The following JAKMIP1 variants were observed in gnomAD, a reference collection of about 807,000 sequenced individuals.
The protein encoded by JAKMIP1 is janus kinase and microtubule interacting protein 1, also known as janus kinase and microtubule-interacting protein 1.
JAKMIP1 carries 33 observed loss-of-function variants against 113.0 expected under a neutral mutation model. The observed-to-expected ratio is 0.29, with a 90% CI of 0.22 to 0.39. JAKMIP1 has a LOEUF of 0.39. JAKMIP1 is among the 10% of genes least tolerant of loss of function. The probability of loss-of-function intolerance (pLI) is 1.00; values close to 1 mark genes in which losing one functional copy is unlikely to be tolerated. For missense variants in JAKMIP1, 813 were observed against 1,080.5 expected (o/e 0.75, Z 3.47); for synonymous variants, 480 against 459.9 (o/e 1.04, Z -0.56).
intron 1 of JAKMIP1, among the ~76,000 whole-genome samples, chr4:6,170,236 C>A (rs1212285018): frequency 6.7e-6 from 1 of 150,322 alleles, no homozygotes; most frequent in South Asian, 2.1e-4. Context: ...TCTCCACCAT[C>A]ACCACCACTC....
rs1319383083 is a variant in JAKMIP1, at chr4:6,154,591, C to T, written c.-147-41594G>A. ...TACCGAAAAGGCAGACACCAAGAAA[C>T]TTAGCAAGGCTTCCAAGAGCCCAAC... On this transcript the variant is annotated intron_variant, in intron 1 of 20. Coordinates refer to ENST00000409021, the MANE Select transcript of JAKMIP1 (RefSeq NM_001099433.2). This position sits in a 1 kb window ranked among gnomAD's most constrained non-coding sequence, Gnocchi z 4.2. Among the ~76,000 whole-genome samples, 2 of 152,008 alleles carry T rather than the reference C, an allele frequency of 1.3e-5. No individual in the cohort carries two copies. Among genetic ancestry groups the T allele is most frequent in the Non-Finnish European group, 2.9e-5 (2 of 68,016 alleles).
chr4:6,041,459 C>T (rs1714304927), intron 17 of JAKMIP1, among the ~76,000 whole-genome samples: 2 of 152,132 alleles, frequency 1.3e-5, no homozygotes, highest in South Asian at 4.1e-4. Flanking sequence ...CCTTCTCCTC[C>T]CATTTCCATT....
rs528220991 is a variant in JAKMIP1, at chr4:6,030,032, CT to C, written c.2380-252del. On this transcript the variant is annotated intron_variant, in intron 19 of 20. Transcript: ENST00000409021. ...CTGCAAAGGAATTCTGTTCTGACTT[CT>C]ATCACTAATAATGGATCGTGCCTGT... Among the ~76,000 whole-genome samples, 99 of 152,262 alleles carry C rather than the reference CT, an allele frequency of 6.5e-4. 4 individuals carry two copies. The South Asian group carries it at 0.014, about 21-fold the overall frequency.
At chr4:6,189,984 G>C (rs745501977) in intron 1 of JAKMIP1, among the ~76,000 whole-genome samples, 1 of 152,186 alleles carries the variant, frequency 6.6e-6, no homozygotes, top group African/African-American at 2.4e-5. Flanking sequence ...TCAGAGGAGA[G>C]AAGAAAGCCC....
At chr4:6,055,197 C>T (rs1716210768) in intron 12 of JAKMIP1, among the ~76,000 whole-genome samples, 1 of 152,008 alleles carries the variant, frequency 6.6e-6, no homozygotes, top group East Asian at 1.9e-4. Flanking sequence ...GCTGCACTTA[C>T]TTGCAACATC....
chr4:6,181,359 C>A lies in JAKMIP1; in HGVS notation c.-148+18894G>T, dbSNP rs1725998045. ...TAACACTAATTACAGGCCTGGAGTA[C>A]ATAAACCAAGATGAGCTTACTGCCA... On this transcript the variant is annotated intron_variant, in intron 1 of 20. Coordinates refer to ENST00000409021, the MANE Select transcript of JAKMIP1 (RefSeq NM_001099433.2). This position sits in a 1 kb window ranked among gnomAD's most constrained non-coding sequence, Gnocchi z 5.4. Among the ~76,000 whole-genome samples, 1 of 152,146 alleles carries A rather than the reference C, an allele frequency of 6.6e-6. No homozygotes were observed. The highest frequency in any genetic ancestry group is 1.5e-5 in the Non-Finnish European group (1 of 68,030).
intron 19 of JAKMIP1, among the ~76,000 whole-genome samples, chr4:6,034,510 T>C (rs963863702): frequency 7.2e-5 from 11 of 152,178 alleles, no homozygotes; most frequent in African/African-American, 2.7e-4. Flanking sequence ...TGGTCAAATA[T>C]TCTAGATGTT....
intron 1 of JAKMIP1, among the ~76,000 whole-genome samples, chr4:6,171,372 TACC>T (rs1458828735): frequency 6.6e-5 from 9 of 136,868 alleles, no homozygotes; most frequent in African/African-American, 2.5e-4. Flanking sequence ...CCACCCTCCT[TACC>T]ACCATCACCA....
chr4:6,051,547 C>CTGACTT lies in JAKMIP1; in HGVS notation c.1807-874_1807-869dup, dbSNP rs1367505396. Among the ~76,000 whole-genome samples, 10 of 152,212 alleles carry CTGACTT rather than the reference C, an allele frequency of 6.6e-5. No individual in the cohort carries two copies. The highest frequency in any genetic ancestry group is 6.2e-4 in the South Asian group (3 of 4,826). On this transcript the variant is annotated intron_variant, in intron 13 of 20. Coordinates refer to ENST00000409021, the MANE Select transcript of JAKMIP1 (RefSeq NM_001099433.2). This position sits in a 1 kb window ranked among gnomAD's most constrained non-coding sequence, Gnocchi z 5.0. ...AAGCCACCTCGCCCGGCCCCAAAGGCTGACTTTCTGTTCTTTCCAATACAA... is the reference window on the plus strand; with the variant it reads ...AAGCCACCTCGCCCGGCCCCAAAGGCTGACTTTGACTTTCTGTTCTTTCCAATACAA...
rs572100422 is a variant in JAKMIP1, at chr4:6,055,740, G to GCCCTC, written c.1707+952_1707+956dup. ...GCAGGTGTCCCCAGAGGTCGGGCCA[G>GCCCTC]CCCTCCCCATTTCTGCAGGGTATCC... On this transcript the variant is annotated intron_variant, in intron 12 of 20. Coordinates refer to ENST00000409021, the MANE Select transcript of JAKMIP1 (RefSeq NM_001099433.2). Among the ~76,000 whole-genome samples, 3 of 151,076 alleles carry GCCCTC rather than the reference G, an allele frequency of 2.0e-5. No homozygotes were observed. The East Asian group carries it at 6.0e-4, about 30-fold the overall frequency.
intron 8 of JAKMIP1, among the ~76,000 whole-genome samples, chr4:6,068,762 G>T (rs1244265118): frequency 6.6e-6 from 1 of 151,922 alleles, no homozygotes; most frequent in East Asian, 1.9e-4. Context: ...TAGTGACAAG[G>T]TTTCACCATG....
rs796411063 is a variant in JAKMIP1, at chr4:6,167,147, C to T, written c.-148+33106G>A. On this transcript the variant is annotated intron_variant, in intron 1 of 20. Coordinates refer to ENST00000409021, the MANE Select transcript of JAKMIP1 (RefSeq NM_001099433.2). This position sits in a 1 kb window ranked among gnomAD's most constrained non-coding sequence, Gnocchi z 5.3. Reference sequence around the variant, plus strand: ...AATCCATCGTCTTCCCCTAGACCTGCTCCTCCTTCCAGGGCCCTGCCTCCG... The same window carrying T: ...AATCCATCGTCTTCCCCTAGACCTGTTCCTCCTTCCAGGGCCCTGCCTCCG... Among the ~76,000 whole-genome samples, 40 of 152,288 alleles carry T rather than the reference C, an allele frequency of 2.6e-4. No individual in the cohort carries two copies. Among genetic ancestry groups the T allele is most frequent in the African/African-American group, 9.6e-4 (40 of 41,552 alleles).
Position 6,188,050 on chromosome 4 carries a change from A to C in JAKMIP1, c.-148+12203T>G, listed in dbSNP as rs1472549077. Among the ~76,000 whole-genome samples the C allele has an allele frequency of 6.6e-6, 1 of 152,180 alleles. No homozygotes were observed. Among genetic ancestry groups the C allele is most frequent in the Non-Finnish European group, 1.5e-5 (1 of 68,034 alleles). ...CAGAATTACCTTTCTGACAATGTTA[A>C]GTTTCTTAAATGGCTAATTTTCAAA... On this transcript the variant is annotated intron_variant, in intron 1 of 20. Transcript: ENST00000409021. This position sits in a 1 kb window ranked among gnomAD's most constrained non-coding sequence, Gnocchi z 5.8.
chr4:6,055,212 G>C lies in JAKMIP1; in HGVS notation c.1708-1064C>G, dbSNP rs149676379. On this transcript the variant is annotated intron_variant, in intron 12 of 20. Coordinates refer to ENST00000409021, the MANE Select transcript of JAKMIP1 (RefSeq NM_001099433.2). ...GCTGCACTTACTTGCAACATCCAGA[G>C]ACAGTGGACTGGAGGCTGCCAGGGG... is the stretch of plus-strand genomic sequence containing the variant. Among the ~76,000 whole-genome samples the C allele has an allele frequency of 5.7e-3, 869 of 152,216 alleles. 8 individuals carry two copies. The highest frequency in any genetic ancestry group is 9.7e-3 in the Non-Finnish European group (660 of 68,014).
rs1390746072 is a variant in JAKMIP1 at position 6,085,494 on chromosome 4, C to T, written c.760G>A (p.Glu254Lys). The change falls in exon 4 of 21, where the codon GAG (glutamate) becomes AAG (lysine). Residue 254 changes from glutamate to lysine, a missense_variant. By Grantham distance (56) the Glu-to-Lys change is moderately conservative (BLOSUM62 1). Around this residue, in one of 2 missense-constraint regions of JAKMIP1, gnomAD observed 540 missense variants for 653.9 expected, o/e 0.83. Transcript: ENST00000409021. Reference protein sequence around the residue: ...DEQLVQVKEAERHHSSPKREL... With the variant: ...DEQLVQVKEAKRHHSSPKREL... Reference sequence around the variant, plus strand: ...CTCTTTGGACTACTGTGGTGCCGCTCGGCCTCCTTGACCTGAACCAGCTGC... The same window carrying T: ...CTCTTTGGACTACTGTGGTGCCGCTTGGCCTCCTTGACCTGAACCAGCTGC... The T allele has an allele frequency of 6.2e-7, 1 of 1,614,160 alleles. No homozygotes were observed. The highest frequency in any genetic ancestry group is 8.5e-7 in the Non-Finnish European group (1 of 1,180,048).
intron 1 of JAKMIP1, among the ~76,000 whole-genome samples, chr4:6,121,937 T>C (rs979133730): frequency 6.6e-6 from 1 of 152,244 alleles, no homozygotes; most frequent in Non-Finnish European, 1.5e-5. Context: ...CAATCGTACA[T>C]ACAGCATACT....
Position 6,062,348 on chromosome 4 carries a change from C to T in JAKMIP1, c.1524G>A (p.Gln508=). The change falls in exon 10 of 21, where the codon CAG becomes CAA. Residue 508 remains glutamine, a synonymous_variant. Coordinates refer to ENST00000409021, the MANE Select transcript of JAKMIP1 (RefSeq NM_001099433.2). ...LQRAYALLQE[Q]VGGTLDAERE... is the part of the protein sequence containing the mutation. ...TCTCAGCGTCCAGCGTGCCTCCCAC[C>T]TGCTCCTGGAGCAGGGCGTAGGCGC... The T allele has an allele frequency of 1.2e-6, 2 of 1,613,516 alleles. No individual in the cohort carries two copies. The highest frequency in any genetic ancestry group is 1.1e-5 in the South Asian group (1 of 91,072).
In JAKMIP1 at chr4:6,156,097, A is replaced by G. The variant is rs956712713; in HGVS notation, c.-147-43100T>C. Among the ~76,000 whole-genome samples the G allele has an allele frequency of 1.3e-5, 2 of 152,236 alleles. No individual in the cohort carries two copies. The highest frequency in any genetic ancestry group is 4.8e-5 in the African/African-American group (2 of 41,460). ...CCATCCATCAACAAACTATTCTGAA[A>G]TAATCTGTTGGCATTTCTAAATACC... On this transcript the variant is annotated intron_variant, in intron 1 of 20. Transcript: ENST00000409021. The surrounding 1 kb of genome is among the most constrained non-coding windows in gnomAD (Gnocchi z 5.0).
chr4:6,034,381 T>A (rs1008878879), intron 19 of JAKMIP1, among the ~76,000 whole-genome samples: 2 of 152,090 alleles, frequency 1.3e-5, no homozygotes, highest in Admixed American at 1.3e-4. Context: ...GTTTTCAGCT[T>A]CTTTGCTGCC....
Sources: allele counts gnomAD v4.1 joint callset (sites outside exome capture counted in the v4.1 genomes callset), GRCh38; gene constraint gnomAD v4.1.1; regional missense constraint gnomAD v4.1.1; non-coding constraint Gnocchi (gnomAD v3.1); transcripts MANE v1.5; gene names NCBI Gene and HGNC (gene_info 2026-07-23, HGNC 2026-07-21).